The following GPC5 variants were observed in gnomAD, a reference collection of about 807,000 sequenced individuals.
GPC5 encodes glypican-5.
A neutral mutation model predicts 53.9 loss-of-function variants in GPC5; 47 were observed. That is an observed-to-expected ratio of 0.87 (90% CI 0.69 to 1.11). The LOEUF (loss-of-function observed/expected upper bound fraction) is 1.11, where lower values mean the gene tolerates loss of function less well. GPC5 is among the 50% of genes most tolerant of loss of function. GPC5 has a pLI of 0.00. For synonymous variants in GPC5, 286 were observed against 263.3 expected, an observed-to-expected ratio of 1.09 and a Z score of -0.84; for missense variants, 748 against 713.1, an observed-to-expected ratio of 1.05 and a Z score of -0.56.
chr13:91,463,996 A>G (rs1882088911), intron 2 of GPC5, among the ~76,000 whole-genome samples: 1 of 152,156 alleles, frequency 6.6e-6, no homozygotes, highest in African/African-American at 2.4e-5. Context: ...TGCATATGTG[A>G]TGAAGTACTT....
intron 7 of GPC5, among the ~76,000 whole-genome samples, chr13:92,504,313 A>G (rs1234152042): frequency 1.3e-5 from 2 of 151,968 alleles, no homozygotes; most frequent in African/African-American, 4.8e-5. Flanking sequence ...GTTGACAGGT[A>G]TAAAACACTG....
intron 7 of GPC5, among the ~76,000 whole-genome samples, chr13:92,745,846 T>C (rs1264605247): frequency 6.6e-6 from 1 of 152,146 alleles, no homozygotes; most frequent in African/African-American, 2.4e-5. Context: ...AAGTTAAACA[T>C]AAAATTCACT....
intron 6 of GPC5, among the ~76,000 whole-genome samples, chr13:92,112,893 G>A (rs2041569573): frequency 6.6e-6 from 1 of 152,074 alleles, no homozygotes; most frequent in Non-Finnish European, 1.5e-5. Context: ...TTACATGAAA[G>A]CATTTATGCC....
chr13:92,022,022 C>T (rs1305929997), intron 6 of GPC5, among the ~76,000 whole-genome samples: 1 of 151,888 alleles, frequency 6.6e-6, no homozygotes, highest in African/African-American at 2.4e-5. Context: ...TTTTTTCAGA[C>T]AGAGTCTCGG....
intron 5 of GPC5, among the ~76,000 whole-genome samples, chr13:91,860,949 T>C (rs2138911410): frequency 6.6e-6 from 1 of 152,370 alleles, no homozygotes; most frequent in South Asian, 2.1e-4. Flanking sequence ...TTATATTTTT[T>C]CTAAATTATC....
intron 7 of GPC5, among the ~76,000 whole-genome samples, chr13:92,434,206 CA>C (rs1877209092): frequency 1.3e-5 from 2 of 152,014 alleles, no homozygotes. Flanking sequence ...TCACAGTGGC[CA>C]ACACCTTTCT....
intron 5 of GPC5, among the ~76,000 whole-genome samples, chr13:91,767,681 T>C (rs1325756297): frequency 6.6e-6 from 1 of 152,222 alleles, no homozygotes. Flanking sequence ...CTACTCAGTT[T>C]CTTGCCATGC....
At chr13:91,429,244 C>G (rs1879264983) in intron 1 of GPC5, among the ~76,000 whole-genome samples, 1 of 152,106 alleles carries the variant, frequency 6.6e-6, no homozygotes, top group Admixed American at 6.6e-5. Context: ...AATAAAAAAA[C>G]TTTAGTTACT....
intron 5 of GPC5, among the ~76,000 whole-genome samples, chr13:91,844,811 C>T (rs963603198): frequency 6.6e-6 from 1 of 152,020 alleles, no homozygotes; most frequent in Non-Finnish European, 1.5e-5. Context: ...CTGCAACCTC[C>T]ACCTCCCAGG....
intron 7 of GPC5, among the ~76,000 whole-genome samples, chr13:92,640,042 C>T (rs1301725588): frequency 6.6e-6 from 1 of 151,526 alleles, no homozygotes; most frequent in Non-Finnish European, 1.5e-5. Flanking sequence ...GAAATTGGCA[C>T]CTAAGTCAAA....
intron 7 of GPC5, among the ~76,000 whole-genome samples, chr13:92,270,028 A>C (rs2042829228): frequency 6.6e-6 from 1 of 152,108 alleles, no homozygotes; most frequent in African/African-American, 2.4e-5. Context: ...GCAAGCTCAC[A>C]TGGGAACTGT....
chr13:92,293,291 C>T (rs2043010214), intron 7 of GPC5, among the ~76,000 whole-genome samples: 1 of 151,954 alleles, frequency 6.6e-6, no homozygotes, highest in South Asian at 2.1e-4. Context: ...CTCTACCCAT[C>T]CATGAGCATA....
chr13:92,426,850 A>G (rs1876858375), intron 7 of GPC5, among the ~76,000 whole-genome samples: 1 of 152,050 alleles, frequency 6.6e-6, no homozygotes, highest in Non-Finnish European at 1.5e-5. Context: ...AGTGCAATAG[A>G]TTTATCTACT....
At chr13:92,030,226 G>C (rs2040830232) in intron 6 of GPC5, among the ~76,000 whole-genome samples, 1 of 152,118 alleles carries the variant, frequency 6.6e-6, no homozygotes, top group Non-Finnish European at 1.5e-5. Flanking sequence ...TCTGTCCATA[G>C]CATAAGACCA....
At chr13:91,512,368 C>G (rs1885276258) in intron 2 of GPC5, among the ~76,000 whole-genome samples, 1 of 152,212 alleles carries the variant, frequency 6.6e-6, no homozygotes, top group Non-Finnish European at 1.5e-5. Flanking sequence ...CAGAGGGCAA[C>G]TCCAGTGCAC....
intron 2 of GPC5, among the ~76,000 whole-genome samples, chr13:91,614,850 G>A (rs888623856): frequency 6.6e-6 from 1 of 152,092 alleles, no homozygotes; most frequent in African/African-American, 2.4e-5. Flanking sequence ...GAATTCACGT[G>A]TTACTGAAAG....
rs147121399 is a variant in GPC5 at position 92,810,048 on chromosome 13, G to A, written c.1562-56234G>A. ...TATAAAAGAGATTTCACTTATATTG[G>A]TATCACATAATGAATGCCCCCTTCT... On this transcript the variant is annotated intron_variant, in intron 7 of 7. Coordinates refer to ENST00000377067, the MANE Select transcript of GPC5 (RefSeq NM_004466.6). Among the ~76,000 whole-genome samples, 372 of 151,982 alleles carry A rather than the reference G, an allele frequency of 2.4e-3. 2 individuals are homozygous for A. The highest frequency in any genetic ancestry group is 8.7e-3 in the African/African-American group (362 of 41,482).
chr13:92,755,921 T>C (rs2139332350), intron 7 of GPC5, among the ~76,000 whole-genome samples: 1 of 149,948 alleles, frequency 6.7e-6, no homozygotes, highest in Admixed American at 6.7e-5. Context: ...ACTGGTACCA[T>C]TCCTTCTGAA....
chr13:92,067,778 T>A (rs1484819390), intron 6 of GPC5, among the ~76,000 whole-genome samples: 4 of 152,018 alleles, frequency 2.6e-5, no homozygotes. Context: ...CACATGTATC[T>A]GTGTATGTGT....
Sources: allele counts gnomAD v4.1 joint callset (sites outside exome capture counted in the v4.1 genomes callset), GRCh38; gene constraint gnomAD v4.1.1; transcripts MANE v1.5; gene names NCBI Gene and HGNC (gene_info 2026-07-23, HGNC 2026-07-21).